Variants in GALNT6 observed in about 807,000 individuals in gnomAD.
GALNT6 encodes GalNAc transferase 6.
In GALNT6, 51 loss-of-function variants were observed where a neutral mutation model predicts 65.9. The observed-to-expected ratio is 0.77, with a 90% CI of 0.62 to 0.98. GALNT6 has a LOEUF of 0.98. GALNT6 is among the 50% of genes least tolerant of loss of function. The probability of loss-of-function intolerance (pLI) is 0.00; values close to 1 mark genes in which losing one functional copy is unlikely to be tolerated. For synonymous variants in GALNT6, 323 were observed against 315.1 expected (o/e 1.02, Z -0.26); for missense variants, 708 against 803.3 (o/e 0.88, Z 1.43).
At chr12:51,366,249 T>G (rs1947101626) in intron 4 of GALNT6, among the ~76,000 whole-genome samples, 1 of 152,190 alleles carries the variant, frequency 6.6e-6, no homozygotes, top group African/African-American at 2.4e-5. Context: ...GGCTCTCAGA[T>G]GCCTCCCTCA....
At chr12:51,382,671 T>C (rs1207934835) in intron 2 of GALNT6, among the ~76,000 whole-genome samples, 2 of 152,106 alleles carry the variant, frequency 1.3e-5, no homozygotes, top group African/African-American at 4.8e-5. Flanking sequence ...TGGGGAGTAA[T>C]AAAGCGTTAA....
At chr12:51,377,151 C>T (rs1340465556) in intron 4 of GALNT6, 44 bp downstream of exon 4, 2 of 1,584,104 alleles carry the variant, frequency 1.3e-6, no homozygotes, top group Admixed American at 1.7e-5. Flanking sequence ...TTTGAGTGCC[C>T]AGGGGAGACC....
intron 4 of GALNT6, among the ~76,000 whole-genome samples, chr12:51,376,302 A>G (rs935344039): frequency 2.6e-5 from 4 of 152,094 alleles, no homozygotes; most frequent in African/African-American, 9.7e-5. Flanking sequence ...CACACCTGTT[A>G]CAGGTGCATC....
intron 2 of GALNT6, among the ~76,000 whole-genome samples, chr12:51,386,607 T>A (rs754196323): frequency 6.6e-6 from 1 of 152,216 alleles, no homozygotes; most frequent in Non-Finnish European, 1.5e-5. Context: ...ACCACAGCGA[T>A]ATTTGCTCAA....
At chr12:51,357,779 G>A (rs1461103375) in intron 9 of GALNT6, among the ~76,000 whole-genome samples, 1 of 152,106 alleles carries the variant, frequency 6.6e-6, no homozygotes, top group Non-Finnish European at 1.5e-5. Context: ...GTGAGCCCTG[G>A]ACCATCAGCA....
At chr12:51,367,297 T>C (rs1436264593) in intron 4 of GALNT6, among the ~76,000 whole-genome samples, 1 of 151,744 alleles carries the variant, frequency 6.6e-6, no homozygotes, top group Non-Finnish European at 1.5e-5. Context: ...TAGCCAGGTG[T>C]GGTGGCGCAC....
intron 5 of GALNT6, 59 bp from the exon 6 acceptor site, chr12:51,364,414 G>A: frequency 8.3e-7 from 1 of 1,207,034 alleles, no homozygotes; most frequent in Middle Eastern, 2.0e-4. Context: ...AGCCCAAGCT[G>A]CATCCTGGAG....
Position 51,377,386 on chromosome 12 carries a change from G to A in GALNT6, c.492-19C>T, listed in dbSNP as rs200186311. 12 of 1,610,612 alleles carry A rather than the reference G, an allele frequency of 7.5e-6. No individual in the cohort carries two copies. Among genetic ancestry groups the A allele is most frequent in the Admixed American group, 5.0e-5 (3 of 59,928 alleles). On this transcript the variant is annotated intron_variant, in intron 3 of 11. Transcript: ENST00000356317. The stretch of plus-strand genomic sequence containing the variant: ...CACACACCTGGAAGTATGAAAGTAC[G>A]GACAAAGTTCTCCTGGTCCCTGGGA...
intron 7 of GALNT6, among the ~76,000 whole-genome samples, chr12:51,360,487 T>C (rs1946884079): frequency 2.0e-5 from 3 of 152,170 alleles, no homozygotes; most frequent in Admixed American, 2.0e-4. Flanking sequence ...TATTATTCCT[T>C]GCCTCTGAGA....
intron 4 of GALNT6, among the ~76,000 whole-genome samples, chr12:51,371,168 C>T (rs1208604687): frequency 6.6e-6 from 1 of 151,800 alleles, no homozygotes; most frequent in African/African-American, 2.4e-5. Flanking sequence ...ACTGCAACCT[C>T]CGCCTCCGGG....
intron 2 of GALNT6, among the ~76,000 whole-genome samples, chr12:51,388,320 G>T (rs1022118881): frequency 7.2e-5 from 11 of 152,206 alleles, no homozygotes; most frequent in Non-Finnish European, 1.5e-4. Flanking sequence ...CAGGACAGCC[G>T]TATTCATATT....
Position 51,353,629 on chromosome 12 carries a change from C to G in GALNT6, c.*750G>C, listed in dbSNP as rs1946667835. ...AGGTGATCCACCTGCCTTGGCCTCCCAAAGTGCTAGGATTACAGGTGTGAG... is the reference window on the plus strand; with the variant it reads ...AGGTGATCCACCTGCCTTGGCCTCCGAAAGTGCTAGGATTACAGGTGTGAG... On this transcript the variant is annotated 3_prime_UTR_variant, in exon 12 of 12. Transcript: ENST00000356317. 2.0e-5 allele frequency: 3 copies of G among 152,378 alleles called. No individual in the cohort carries two copies. Among genetic ancestry groups the G allele is most frequent in the African/African-American group, 2.4e-5 (1 of 41,446 alleles). 9.4% of individuals were successfully genotyped at this position (152,378 alleles called of 1,614,324 possible).
chr12:51,367,051 G>A (rs560995837), intron 4 of GALNT6, among the ~76,000 whole-genome samples: 14 of 152,170 alleles, frequency 9.2e-5, no homozygotes, highest in African/African-American at 3.4e-4. Context: ...ATCACCTGAG[G>A]TTGGGAGTTC....
chr12:51,360,760 C>T lies in GALNT6; in HGVS notation c.1128G>A (p.Met376Ile). The T allele has an allele frequency of 6.2e-7, 1 of 1,613,210 alleles. No individual in the cohort carries two copies. The highest frequency in any genetic ancestry group is 8.5e-7 in the Non-Finnish European group (1 of 1,179,194). The change falls in exon 7 of 12, where the codon ATG becomes ATA. Residue 376 changes from methionine to isoleucine, a missense_variant. Met to Ile is a conservative substitution (Grantham distance 10). Coordinates refer to ENST00000356317, the MANE Select transcript of GALNT6 (RefSeq NM_007210.4). The part of the protein sequence containing the change: ...FEHIGTYDNQ[M>I]EIWGGENVEM... Reference sequence around the variant, plus strand: ...CCACGTTCTCCCCTCCCCAGATCTCCATCTGATTATCATAGGTACCGATGT... The same window carrying T: ...CCACGTTCTCCCCTCCCCAGATCTCTATCTGATTATCATAGGTACCGATGT...
In GALNT6 at chr12:51,377,352, CT is replaced by C. The variant is rs1207190040; in HGVS notation, c.506del (p.Lys169SerfsTer13). 4 of 1,612,542 alleles carry C rather than the reference CT, an allele frequency of 2.5e-6. No homozygotes were observed. The highest frequency in any genetic ancestry group is 3.4e-6 in the Non-Finnish European group (4 of 1,180,008). On this transcript the variant is annotated frameshift_variant, in exon 4 of 12. Coordinates refer to ENST00000356317, the MANE Select transcript of GALNT6 (RefSeq NM_007210.4). LOFTEE classifies it high-confidence loss of function. ...DTRPPECVDQ[K>X]FRRCPPLATT... ...TGGCCAGTGGGGGGCAGCGCCGGAA[CT>C]TCTGGTCCACACACCTGGAAGTATG... is the stretch of plus-strand genomic sequence containing the variant.
Position 51,364,364 on chromosome 12 carries a change from C to T in GALNT6, c.815-9G>A. ...GCCGTGGAAGCACTCACCTGCAGGC[C>T]CCAACCAGGAGGCAGCAGTCAGGGC... is the stretch of plus-strand genomic sequence containing the variant. On this transcript the variant is annotated splice_polypyrimidine_tract_variant and intron_variant, in intron 5 of 11. Coordinates refer to ENST00000356317, the MANE Select transcript of GALNT6 (RefSeq NM_007210.4). 6.2e-7 allele frequency: 1 copy of T among 1,601,478 alleles called. No homozygotes were observed. The highest frequency in any genetic ancestry group is 8.6e-7 in the Non-Finnish European group (1 of 1,168,612).
intron 2 of GALNT6, among the ~76,000 whole-genome samples, chr12:51,386,936 T>C (rs756088893): frequency 6.6e-6 from 1 of 151,746 alleles, no homozygotes; most frequent in Non-Finnish European, 1.5e-5. Flanking sequence ...ATGTGGGAGG[T>C]TTTTATTTTT....
rs1397086321 is a variant in GALNT6, at chr12:51,352,407, T to C, written c.*1972A>G. ...ATTCACTTACCTGGACTCAGTTTCA[T>C]AATATGAAAATGATAGGGTTGGGCT... On this transcript the variant is annotated 3_prime_UTR_variant, in exon 12 of 12. Transcript: ENST00000356317. 2 of 152,244 alleles carry C rather than the reference T, an allele frequency of 1.3e-5. No homozygotes were observed. Among genetic ancestry groups the C allele is most frequent in the Non-Finnish European group, 1.5e-5 (1 of 68,038 alleles). 9.4% of individuals were successfully genotyped at this position (152,244 alleles called of 1,614,324 possible). A position where few individuals can be genotyped will look rare whatever the true frequency, so the allele number is the denominator to read the frequency against.
In GALNT6 at chr12:51,354,187, T is replaced by C; in HGVS notation, c.*192A>G. 1 of 521,384 alleles carries C rather than the reference T, an allele frequency of 1.9e-6. No homozygotes were observed. The highest frequency in any genetic ancestry group is 3.3e-6 in the Non-Finnish European group (1 of 300,128). 32.3% of individuals were successfully genotyped at this position (521,384 alleles called of 1,614,324 possible). A position where few individuals can be genotyped will look rare whatever the true frequency, so the allele number is the denominator to read the frequency against. ...GCTAAATATATGTCCTAATGGTCTCTTCCATCGGTGTGAAGGAAAGAAAAT... is the reference window on the plus strand; with the variant it reads ...GCTAAATATATGTCCTAATGGTCTCCTCCATCGGTGTGAAGGAAAGAAAAT... On this transcript the variant is annotated 3_prime_UTR_variant, in exon 12 of 12. Coordinates refer to ENST00000356317, the MANE Select transcript of GALNT6 (RefSeq NM_007210.4).
Sources: allele counts gnomAD v4.1 joint callset (sites outside exome capture counted in the v4.1 genomes callset), GRCh38; gene constraint gnomAD v4.1.1; transcripts MANE v1.5; gene names NCBI Gene and HGNC (gene_info 2026-07-23, HGNC 2026-07-21).